The following ZNF267 variants were observed in gnomAD, a reference collection of about 807,000 sequenced individuals.
ZNF267 encodes zinc finger (C2H2).
In ZNF267, 61 loss-of-function variants were observed where a neutral mutation model predicts 71.6. The observed-to-expected ratio is 0.85, with a 90% CI of 0.69 to 1.05. ZNF267 has a LOEUF of 1.05. Among genes scored for constraint, ZNF267 ranks in the 50% least tolerant of loss-of-function variants. ZNF267 has a pLI of 0.00. For missense variants in ZNF267, 852 were observed against 870.0 expected (o/e 0.98, Z 0.26); for synonymous variants, 288 against 293.2 (o/e 0.98, Z 0.18).
intron 3 of ZNF267, among the ~76,000 whole-genome samples, chr16:31,898,437 G>T (rs1038145248): frequency 6.6e-6 from 1 of 151,462 alleles, no homozygotes; most frequent in African/African-American, 2.4e-5. Flanking sequence ...TTTTTTTTAT[G>T]TACAAAGTAA....
At position 31,914,704 on chromosome 16, in the gene ZNF267, T is replaced by G; in HGVS notation, c.455T>G (p.Ile152Arg). 6.2e-7 allele frequency: 1 copy of G among 1,614,132 alleles called. No homozygotes were observed. Among genetic ancestry groups the G allele is most frequent in the Non-Finnish European group, 8.5e-7 (1 of 1,180,000 alleles). Residue 152 changes from isoleucine (I) to arginine (R), a missense_variant, in exon 4 of 4, where the codon ATA becomes AGA. Coordinates refer to ENST00000300870, the MANE Select transcript of ZNF267 (RefSeq NM_003414.6). ...SSVESLFHQQ[I>R]LSSCAKSYNF... ...GTTGAAAGTTTGTTTCACCAGCAAATACTTTCTTCTTGTGCCAAAAGCTAT... is the reference window on the plus strand; with the variant it reads ...GTTGAAAGTTTGTTTCACCAGCAAAGACTTTCTTCTTGTGCCAAAAGCTAT...
At chr16:31,882,924 C>G (rs1027748357) in intron 1 of ZNF267, among the ~76,000 whole-genome samples, 4 of 152,194 alleles carry the variant, frequency 2.6e-5, no homozygotes, top group African/African-American at 9.7e-5. Context: ...TAAACCATCA[C>G]ATTTAATCCA....
Position 31,914,651 on chromosome 16 carries a change from T to C in ZNF267, c.402T>C (p.Phe134=). Residue 134 remains phenylalanine (F), a synonymous_variant, in exon 4 of 4, where the codon TTT becomes TTC. Coordinates refer to ENST00000300870, the MANE Select transcript of ZNF267 (RefSeq NM_003414.6). Reference sequence around the variant, plus strand: ...ATGGATGTTATGATGAAAAGACTTTTAAATATGATCAATTTGATGAATCCT... The same window carrying C: ...ATGGATGTTATGATGAAAAGACTTTCAAATATGATCAATTTGATGAATCCT... ...GHNGCYDEKT[F]KYDQFDESSV... 6.2e-7 allele frequency: 1 copy of C among 1,614,060 alleles called. No homozygotes were observed. The highest frequency in any genetic ancestry group is 8.5e-7 in the Non-Finnish European group (1 of 1,179,990).
chr16:31,915,595 C>G lies in ZNF267; in HGVS notation c.1346C>G (p.Ser449Ter). The G allele has an allele frequency of 6.2e-7, 1 of 1,613,594 alleles. No homozygotes were observed. The change falls in exon 4 of 4, where the codon TCA becomes TGA. Residue 449 changes from serine (S) to a stop codon, truncating the protein, a stop_gained. Transcript: ENST00000300870. LOFTEE classifies it high-confidence loss of function. The part of the protein sequence containing the change: ...KECGKAFNRS[S>*]CLTQHQTTHT... Reference sequence around the variant, plus strand: ...TGTGGAAAAGCTTTTAACCGTAGTTCATGCCTTACTCAACATCAGACAACT... The same window carrying G: ...TGTGGAAAAGCTTTTAACCGTAGTTGATGCCTTACTCAACATCAGACAACT...
At chr16:31,900,213 C>T (rs1336706750) in intron 3 of ZNF267, among the ~76,000 whole-genome samples, 1 of 151,568 alleles carries the variant, frequency 6.6e-6, no homozygotes, top group Non-Finnish European at 1.5e-5. Flanking sequence ...TTTGTCTTTT[C>T]AAATGTATAG....
rs1449714601 is a variant in ZNF267, at chr16:31,914,918, A to C, written c.669A>C (p.Lys223Asn). Residue 223 changes from lysine (K) to asparagine (N), a missense_variant, in exon 4 of 4, where the codon AAA (lysine) becomes AAC (asparagine). By Grantham distance (94) the Lys-to-Asn change is moderately conservative. Coordinates refer to ENST00000300870, the MANE Select transcript of ZNF267 (RefSeq NM_003414.6). ...ATTATCATTGCAATAATTCTGAAAA[A>C]ACCTTGAACCAAAGCTCAAGCCCTA... ...EKNYHCNNSE[K>N]TLNQSSSPKN... 1 of 1,611,952 alleles carries C rather than the reference A, an allele frequency of 6.2e-7. No individual in the cohort carries two copies. The highest frequency in any genetic ancestry group is 1.1e-5 in the South Asian group (1 of 90,222).
At chr16:31,898,298 TTC>T (rs2084014577) in intron 3 of ZNF267, among the ~76,000 whole-genome samples, 1 of 152,154 alleles carries the variant, frequency 6.6e-6, no homozygotes, top group Admixed American at 6.5e-5. Context: ...TGCATTTAAT[TTC>T]TTTTTTCCAT....
Position 31,915,190 on chromosome 16 carries a change from T to C in ZNF267, c.941T>C (p.Ile314Thr), listed in dbSNP as rs777471141. Residue 314 changes from isoleucine (I) to threonine (T), a missense_variant, in exon 4 of 4, where the codon ATA becomes ACA. Coordinates refer to ENST00000300870, the MANE Select transcript of ZNF267 (RefSeq NM_003414.6). ...CAGTCATCAAATCTTAGAAAGCAGATAATCCATAATGAAGAGAAACCATAC... is the reference window on the plus strand; with the variant it reads ...CAGTCATCAAATCTTAGAAAGCAGACAATCCATAATGAAGAGAAACCATAC... ...LSQSSNLRKQIIHNEEKPYKC... is the reference protein window; with the variant it reads ...LSQSSNLRKQTIHNEEKPYKC... 185 of 1,613,042 alleles carry C rather than the reference T, an allele frequency of 1.1e-4. No homozygotes were observed. The highest frequency in any genetic ancestry group is 1.5e-4 in the Non-Finnish European group (174 of 1,179,738).
At chr16:31,900,530 C>T (rs555359328) in intron 3 of ZNF267, among the ~76,000 whole-genome samples, 50 of 152,202 alleles carry the variant, frequency 3.3e-4, no homozygotes, top group African/African-American at 8.9e-4. Flanking sequence ...CTGCAGGCTC[C>T]GCCTCCTGGG....
chr16:31,913,291 G>C (rs1395599868), intron 3 of ZNF267: 1 of 152,240 alleles, frequency 6.6e-6, no homozygotes, highest in Non-Finnish European at 1.5e-5. Flanking sequence ...TCTTCCCTTA[G>C]TTTCTTCCAG....
intron 2 of ZNF267, 71 bp downstream of exon 2, chr16:31,884,695 A>G (rs1239948998): frequency 6.7e-7 from 1 of 1,500,390 alleles, no homozygotes; most frequent in East Asian, 2.3e-5. Context: ...GTCCCTTGGG[A>G]TCTTGTGCTT....
intron 3 of ZNF267, among the ~76,000 whole-genome samples, chr16:31,905,818 A>C (rs2084085232): frequency 1.3e-5 from 2 of 151,894 alleles, no homozygotes; most frequent in Non-Finnish European, 2.9e-5. Context: ...GCTTTGTTCC[A>C]TTGATTTTGA....
chr16:31,880,384 A>G (rs1477051449), intron 1 of ZNF267, among the ~76,000 whole-genome samples: 2 of 152,288 alleles, frequency 1.3e-5, no homozygotes, highest in African/African-American at 2.4e-5. Flanking sequence ...AGCTATGCCT[A>G]CCTGTGAGCT....
At chr16:31,907,441 C>G (rs1428602129) in intron 3 of ZNF267, among the ~76,000 whole-genome samples, 1 of 152,022 alleles carries the variant, frequency 6.6e-6, no homozygotes, top group Admixed American at 6.6e-5. Flanking sequence ...GATTTTTTAC[C>G]TGCTACATCA....
intron 3 of ZNF267, 162 bp from the exon 4 acceptor site, chr16:31,914,314 T>C: frequency 1.6e-6 from 1 of 627,410 alleles, no homozygotes; most frequent in Non-Finnish European, 2.6e-6. Context: ...CGTGCCACTT[T>C]ATTGTAGTAA....
intron 1 of ZNF267, among the ~76,000 whole-genome samples, chr16:31,884,143 T>C (rs1460974887): frequency 1.3e-5 from 2 of 152,246 alleles, no homozygotes; most frequent in East Asian, 1.9e-4. Context: ...TTGTATACTA[T>C]ACAATTTGAG....
intron 2 of ZNF267, 149 bp downstream of exon 2, chr16:31,884,773 T>G: frequency 1.3e-6 from 1 of 799,186 alleles, no homozygotes; most frequent in Non-Finnish European, 1.9e-6. Flanking sequence ...TAGAAAAAAT[T>G]TCATAATGTT....
intron 3 of ZNF267, among the ~76,000 whole-genome samples, chr16:31,901,245 C>G (rs77179816): frequency 0.98 from 141,133 of 144,090 alleles, 69,157 homozygotes; most frequent in Middle Eastern, 1. Flanking sequence ...ATTGTGAATA[C>G]TGCCACAATA....
chr16:31,895,415 T>C (rs2083991235), intron 3 of ZNF267, among the ~76,000 whole-genome samples: 1 of 152,232 alleles, frequency 6.6e-6, no homozygotes, highest in African/African-American at 2.4e-5. Flanking sequence ...TAAATAGTGC[T>C]GCAATAAACA....
Sources: gnomAD v4.1 joint callset for allele counts (sites outside exome capture counted in the v4.1 genomes callset) on GRCh38, gnomAD v4.1.1 for gene constraint, MANE v1.5 for transcripts, NCBI Gene and HGNC (gene_info 2026-07-23, HGNC 2026-07-21) for gene names.